Variants in PALM2AKAP2 observed in about 807,000 individuals in gnomAD.
PALM2AKAP2 encodes the protein PALM2 and AKAP2 fusion.
A neutral mutation model predicts 71.5 loss-of-function variants in PALM2AKAP2; 37 were observed. The observed-to-expected ratio is 0.52, with a 90% confidence interval of 0.40 to 0.68. PALM2AKAP2 has a LOEUF of 0.68. PALM2AKAP2 is among the 30% of genes least tolerant of loss of function. PALM2AKAP2 has a pLI of 0.00. For synonymous variants in PALM2AKAP2, 468 were observed against 478.8 expected (o/e 0.98, Z 0.29); for missense variants, 1,224 against 1,191.8 (o/e 1.03, Z -0.40).
Position 110,149,042 on chromosome 9 carries a change from G to A in PALM2AKAP2, c.2570-7277G>A, listed in dbSNP as rs77648437. On this transcript the variant is annotated intron_variant, in intron 2 of 3. Coordinates refer to ENST00000374525, the Ensembl canonical transcript of PALM2AKAP2. ...TCTTTTCTCTGCCTCCTGTCAGCAC[G>A]GCTCGCCACAGATGCCCAAGGGAAA... 2.2e-4 allele frequency among the ~76,000 whole-genome samples: 33 copies of A among 152,280 alleles called. No homozygotes were observed. The East Asian group carries it at 6.2e-3, about 28-fold the overall frequency.
intron 3 of PALM2AKAP2, among the ~76,000 whole-genome samples, chr9:109,889,085 T>A (rs1050505990): frequency 2.0e-5 from 3 of 152,214 alleles, no homozygotes; most frequent in Non-Finnish European, 2.9e-5. Flanking sequence ...TAAAAAGATT[T>A]ATGAAGATAA....
intron 7 of PALM2AKAP2, among the ~76,000 whole-genome samples, chr9:110,019,228 G>C (rs1047499638): frequency 6.9e-5 from 8 of 115,274 alleles, no homozygotes; most frequent in South Asian, 2.9e-4. Flanking sequence ...AAAACAGCAA[G>C]ACTCTGTCTC....
At chr9:110,002,045 CA>C (rs1194598180) in intron 6 of PALM2AKAP2, among the ~76,000 whole-genome samples, 3 of 152,146 alleles carry the variant, frequency 2.0e-5, no homozygotes, top group Non-Finnish European at 4.4e-5. Context: ...GAACTTCCAA[CA>C]CTATGTTGAA....
rs556571359 is a variant in PALM2AKAP2, at chr9:109,678,977, G to A, written c.5+38111G>A. On this transcript the variant is annotated intron_variant, in intron 1 of 6. Coordinates refer to the PALM2AKAP2 transcript ENST00000374531. ...TGCAATAGGGCAAAGGCAAACTCAC[G>A]TTTAGGGCTTAGATATGCCCTGGTA... 1.1e-4 allele frequency among the ~76,000 whole-genome samples: 16 copies of A among 152,258 alleles called. No individual in the cohort carries two copies. The South Asian group carries it at 2.1e-3, about 20-fold the overall frequency.
intron 6 of PALM2AKAP2, among the ~76,000 whole-genome samples, chr9:109,969,113 C>CACACACACACACACACACACACACACA (rs56263304): frequency 6.6e-6 from 1 of 151,702 alleles, no homozygotes; most frequent in Non-Finnish European, 1.5e-5. Context: ...CACACACACA[C>CACACACACACACACACACACACACACA]GACTCCCAGA....
intron 1 of PALM2AKAP2, among the ~76,000 whole-genome samples, chr9:109,814,499 C>T (rs964353535): frequency 2.6e-5 from 4 of 152,142 alleles, no homozygotes; most frequent in Non-Finnish European, 5.9e-5. Flanking sequence ...AGGAAGTGAG[C>T]CTCCTGTCAC....
chr9:110,069,614 G>A (rs1834162194), intron 1 of PALM2AKAP2, among the ~76,000 whole-genome samples: 1 of 152,164 alleles, frequency 6.6e-6, no homozygotes, highest in Non-Finnish European at 1.5e-5. Flanking sequence ...TCAGCTCTGA[G>A]ATTAAATGAC....
chr9:109,931,853 C>A, intron 5 of PALM2AKAP2, 74 bp from the exon 6 acceptor site: 1 of 1,521,296 alleles, frequency 6.6e-7, no homozygotes, highest in African/African-American at 1.4e-5. Flanking sequence ...GGCAGACAAG[C>A]TGCTGTCTCG....
chr9:110,048,466 T>C, upstream of PALM2AKAP2: 1 of 520,322 alleles, frequency 1.9e-6, no homozygotes. Context: ...TCCCTCCGTC[T>C]TTCCCTCTCT....
chr9:109,922,856 CCTG>C (rs1790053758), intron 3 of PALM2AKAP2, among the ~76,000 whole-genome samples: 1 of 152,134 alleles, frequency 6.6e-6, no homozygotes, highest in Non-Finnish European at 1.5e-5. Flanking sequence ...GGCACTAAAG[CCTG>C]CTTTACTAGG....
At chr9:109,692,881 T>C (rs1268486534) in intron 1 of PALM2AKAP2, among the ~76,000 whole-genome samples, 3 of 151,964 alleles carry the variant, frequency 2.0e-5, no homozygotes. Flanking sequence ...CAAGGAATAT[T>C]GATCTGTGAT....
chr9:110,017,043 C>T (rs1384672393), intron 7 of PALM2AKAP2, among the ~76,000 whole-genome samples: 1 of 152,136 alleles, frequency 6.6e-6, no homozygotes, highest in Non-Finnish European at 1.5e-5. Flanking sequence ...CCGTGCCTGG[C>T]TAATTTTTTG....
At chr9:109,923,875 A>C in intron 4 of PALM2AKAP2, 26 bp downstream of exon 4, 3 of 1,547,214 alleles carry the variant, frequency 1.9e-6, no homozygotes, top group Non-Finnish European at 2.6e-6. Context: ...ACGATTTCTC[A>C]AAGTTATTTC....
At chr9:109,871,927 G>A (rs1041162938) in intron 2 of PALM2AKAP2, among the ~76,000 whole-genome samples, 4 of 152,062 alleles carry the variant, frequency 2.6e-5, no homozygotes, top group African/African-American at 9.7e-5. Flanking sequence ...ATTTACAGAC[G>A]AGGTATGCAG....
At chr9:109,912,067 G>C (rs1830582388) in intron 3 of PALM2AKAP2, among the ~76,000 whole-genome samples, 2 of 152,118 alleles carry the variant, frequency 1.3e-5, no homozygotes, top group South Asian at 4.2e-4. Flanking sequence ...AGTTGAGAGT[G>C]GGGAGTCCTT....
At chr9:109,929,772 G>A (rs1304261066) in intron 5 of PALM2AKAP2, among the ~76,000 whole-genome samples, 2 of 150,586 alleles carry the variant, frequency 1.3e-5, no homozygotes, top group African/African-American at 4.9e-5. Flanking sequence ...GCTGAGGCAG[G>A]AGAATGGCGT....
chr9:109,796,018 A>G (rs1827242911), intron 1 of PALM2AKAP2, among the ~76,000 whole-genome samples: 2 of 152,196 alleles, frequency 1.3e-5, no homozygotes, highest in Non-Finnish European at 1.5e-5. Context: ...GCCAATGACT[A>G]TGTCATATTC....
At chr9:109,966,368 A>C (rs1182770917) in intron 6 of PALM2AKAP2, among the ~76,000 whole-genome samples, 1 of 152,230 alleles carries the variant, frequency 6.6e-6, no homozygotes, top group Non-Finnish European at 1.5e-5. Flanking sequence ...GCAAAGTGTT[A>C]AATGTTTAGC....
At chr9:109,785,924 TC>T (rs1826950059) in intron 1 of PALM2AKAP2, among the ~76,000 whole-genome samples, 1 of 152,356 alleles carries the variant, frequency 6.6e-6, no homozygotes, top group East Asian at 1.9e-4. Context: ...TGGATGTGTC[TC>T]TATGGAATAT....
Sources: gnomAD v4.1 joint callset for allele counts (sites outside exome capture counted in the v4.1 genomes callset) on GRCh38, gnomAD v4.1.1 for gene constraint, MANE v1.5 for transcripts, NCBI Gene and HGNC (gene_info 2026-07-23, HGNC 2026-07-21) for gene names.